The following ART3 variants were observed in gnomAD, a reference collection of about 807,000 sequenced individuals.
ART3 encodes the protein ecto-ADP-ribosyltransferase 3.
Under a neutral mutation model 48.5 loss-of-function variants are expected in ART3, and 49 were observed. The observed-to-expected ratio is 1.01, with a 90% CI of 0.80 to 1.28. The LOEUF (loss-of-function observed/expected upper bound fraction) is 1.28, where lower values mean the gene tolerates loss of function less well. Among genes scored for constraint, ART3 ranks in the 50% most tolerant of loss-of-function variants. ART3 has a pLI of 0.00. For synonymous variants in ART3, 145 were observed against 157.2 expected, an observed-to-expected ratio of 0.92 and a Z score of 0.58; for missense variants, 438 against 454.3, an observed-to-expected ratio of 0.96 and a Z score of 0.33.
intron 3 of ART3, among the ~76,000 whole-genome samples, chr4:76,090,060 A>G (rs375539416): frequency 3.9e-5 from 6 of 152,334 alleles, no homozygotes; most frequent in African/African-American, 1.4e-4. Context: ...AGCCTGGGTG[A>G]CAAGAGTGAA....
intron 1 of ART3, among the ~76,000 whole-genome samples, chr4:76,044,914 G>GC (rs1287176003): frequency 6.6e-6 from 1 of 152,112 alleles, no homozygotes; most frequent in Non-Finnish European, 1.5e-5. Flanking sequence ...GTGGCATCCA[G>GC]CGGGGGTTCC....
chr4:76,044,508 A>T (rs1735303557), intron 1 of ART3, among the ~76,000 whole-genome samples: 1 of 151,968 alleles, frequency 6.6e-6, no homozygotes, highest in Non-Finnish European at 1.5e-5. Context: ...TGCCTTGGCT[A>T]GGAAGACAGA....
At chr4:76,100,087 G>T (rs948127084) in intron 5 of ART3, among the ~76,000 whole-genome samples, 4 of 152,170 alleles carry the variant, frequency 2.6e-5, no homozygotes, top group Admixed American at 1.3e-4. Context: ...TTTCTTAATA[G>T]TAGGGGCAGA....
intron 2 of ART3, 137 bp downstream of exon 2, chr4:76,076,095 C>T (rs1721011152): frequency 1.4e-6 from 1 of 705,766 alleles, no homozygotes; most frequent in African/African-American, 1.9e-5. Flanking sequence ...AGCTCCGCCT[C>T]CCAGGTTCAT....
chr4:76,021,966 G>A, intron 1 of ART3: 1 of 1,605,636 alleles, frequency 6.2e-7, no homozygotes. Context: ...AAGAGAAAGG[G>A]GATATAAAAG....
chr4:76,111,743 T>C (rs1199825206), intron 11 of ART3, among the ~76,000 whole-genome samples: 1 of 151,884 alleles, frequency 6.6e-6, no homozygotes, highest in Non-Finnish European at 1.5e-5. Context: ...GGTTTTGCCG[T>C]GTTAGCCAGG....
chr4:76,055,759 A>G (rs138274234), intron 1 of ART3, among the ~76,000 whole-genome samples: 26 of 152,328 alleles, frequency 1.7e-4, no homozygotes, highest in African/African-American at 6.0e-4. Flanking sequence ...ATTTCATTGA[A>G]TAACAGGAGA....
At chr4:76,045,887 G>A (rs1735457151) in intron 1 of ART3, among the ~76,000 whole-genome samples, 1 of 152,066 alleles carries the variant, frequency 6.6e-6, no homozygotes, top group South Asian at 2.1e-4. Flanking sequence ...AGCCAGTATA[G>A]GCTGTATTCA....
Position 76,035,359 on chromosome 4 carries a change from C to T in ART3, c.-10+24039C>T, listed in dbSNP as rs779680726. 6.8e-6 allele frequency: 11 copies of T among 1,612,362 alleles called. No homozygotes were observed. In the East Asian group the frequency reaches 2.5e-4, roughly 36 times the overall value. On this transcript the variant is annotated intron_variant, in intron 1 of 9. Coordinates refer to the ART3 transcript ENST00000341029. ...TGGGGAAGCCTAGAATAGATCATAG[C>T]ATTAGTTAGTAATGCATCTGATTGC...
chr4:76,017,333 T>A (rs988221533), intron 1 of ART3, among the ~76,000 whole-genome samples: 3 of 151,554 alleles, frequency 2.0e-5, no homozygotes, highest in East Asian at 2.0e-4. Flanking sequence ...AGGCAGCAGG[T>A]TCCCTTCTGG....
chr4:76,069,262 G>T (rs953798552), intron 1 of ART3, among the ~76,000 whole-genome samples: 1 of 151,316 alleles, frequency 6.6e-6, no homozygotes, highest in Non-Finnish European at 1.5e-5. Context: ...AGCCTAGTAC[G>T]CATTAACAGT....
intron 3 of ART3, among the ~76,000 whole-genome samples, chr4:76,086,066 C>G (rs529099381): frequency 1.7e-4 from 26 of 151,758 alleles, no homozygotes; most frequent in African/African-American, 5.8e-4. Context: ...GAGTCCCCCC[C>G]CCCGCTCCCT....
chr4:76,075,479 G>A (rs955045430), intron 1 of ART3, among the ~76,000 whole-genome samples: 5 of 152,174 alleles, frequency 3.3e-5, no homozygotes, highest in African/African-American at 1.2e-4. Context: ...GAAACTGGGA[G>A]CTAGGGGACC....
chr4:76,068,810 T>C (rs1325874322), intron 1 of ART3, among the ~76,000 whole-genome samples: 1 of 152,074 alleles, frequency 6.6e-6, no homozygotes, highest in Non-Finnish European at 1.5e-5. Flanking sequence ...AGAAAAAAAA[T>C]TCATTCATGT....
intron 1 of ART3, among the ~76,000 whole-genome samples, chr4:76,067,715 TA>T (rs1294381818): frequency 7.2e-5 from 11 of 152,248 alleles, no homozygotes; most frequent in Admixed American, 6.5e-4. Flanking sequence ...TAAAAACACT[TA>T]ATCTTGTCAA....
At chr4:76,100,725 C>A in intron 6 of ART3, 70 bp from the exon 7 acceptor site, 1 of 1,518,134 alleles carries the variant, frequency 6.6e-7, no homozygotes, top group Non-Finnish European at 9.0e-7. Context: ...AATAATTTTG[C>A]TGTAGCTGTA....
intron 2 of ART3, among the ~76,000 whole-genome samples, chr4:76,079,176 T>A (rs77955511): frequency 3.1e-5 from 4 of 130,848 alleles, no homozygotes; most frequent in East Asian, 2.3e-4. Context: ...TCATCTTTGT[T>A]AAAAAAAAAA....
At chr4:76,048,761 A>C (rs1735755664) in intron 1 of ART3, among the ~76,000 whole-genome samples, 1 of 151,876 alleles carries the variant, frequency 6.6e-6, no homozygotes, top group Non-Finnish European at 1.5e-5. Flanking sequence ...GAAAACCTGC[A>C]CCCTTGCCTG....
chr4:76,061,887 A>C (rs1719246760), intron 1 of ART3, among the ~76,000 whole-genome samples: 1 of 152,248 alleles, frequency 6.6e-6, no homozygotes, highest in Admixed American at 6.5e-5. Flanking sequence ...AAGAATGCCA[A>C]AGAATAAGAA....
Sources: allele counts gnomAD v4.1 joint callset (sites outside exome capture counted in the v4.1 genomes callset), GRCh38; gene constraint gnomAD v4.1.1; transcripts MANE v1.5; gene names NCBI Gene and HGNC (gene_info 2026-07-23, HGNC 2026-07-21).